The following LRRC4C variants were observed in gnomAD, a reference collection of about 807,000 sequenced individuals.
LRRC4C encodes leucine rich repeat containing 4C, also known as leucine-rich repeat-containing protein 4C.
A neutral mutation model predicts 33.6 loss-of-function variants in LRRC4C; 5 were observed. The observed-to-expected ratio is 0.15, with a 90% CI of 0.08 to 0.31. The LOEUF is 0.31. Among genes scored for constraint, LRRC4C ranks in the 10% least tolerant of loss-of-function variants. LRRC4C has a pLI of 1.00. For missense variants in LRRC4C, 560 were observed against 796.7 expected, an observed-to-expected ratio of 0.70 and a Z score of 3.58; for synonymous variants, 329 against 302.0, an observed-to-expected ratio of 1.09 and a Z score of -0.93.
At chr11:40,740,391 A>G (rs1269621370) in intron 2 of LRRC4C, among the ~76,000 whole-genome samples, 1 of 151,826 alleles carries the variant, frequency 6.6e-6, no homozygotes. Context: ...TAGAGTTTTA[A>G]CCTTCACTGT....
At chr11:40,159,735 G>T (rs1859002929) in intron 5 of LRRC4C, among the ~76,000 whole-genome samples, 1 of 151,992 alleles carries the variant, frequency 6.6e-6, no homozygotes, top group Admixed American at 6.6e-5. Flanking sequence ...TCCCTAAAAA[G>T]TCCTCCTACT....
chr11:40,520,008 A>AGCTGTGAAGGACAG (rs1241714731), intron 3 of LRRC4C, among the ~76,000 whole-genome samples: 1 of 152,196 alleles, frequency 6.6e-6, no homozygotes, highest in East Asian at 1.9e-4. Flanking sequence ...CTGGCTTCAA[A>AGCTGTGAAGGACAG]GCTGTGAAGG....
At chr11:40,380,065 T>C (rs1468800720) in intron 3 of LRRC4C, among the ~76,000 whole-genome samples, 1 of 152,196 alleles carries the variant, frequency 6.6e-6, no homozygotes, top group Admixed American at 6.5e-5. Context: ...TGTGAGAGCA[T>C]GTATATTTCA....
At chr11:40,485,815 C>T (rs1046557941) in intron 3 of LRRC4C, among the ~76,000 whole-genome samples, 8 of 151,972 alleles carry the variant, frequency 5.3e-5, no homozygotes, top group African/African-American at 1.7e-4. Flanking sequence ...GAATACTGTA[C>T]AGCCATAAAA....
At chr11:40,264,814 C>T (rs535628844) in intron 4 of LRRC4C, among the ~76,000 whole-genome samples, 1 of 152,188 alleles carries the variant, frequency 6.6e-6, no homozygotes, top group Non-Finnish European at 1.5e-5. Context: ...TTCTTCCAGA[C>T]ATCCAGATGC....
chr11:40,161,131 G>T (rs1006228253), intron 5 of LRRC4C, among the ~76,000 whole-genome samples: 1 of 152,066 alleles, frequency 6.6e-6, no homozygotes, highest in Non-Finnish European at 1.5e-5. Flanking sequence ...TTTAGTAGGA[G>T]AAAAAAATGA....
intron 1 of LRRC4C, among the ~76,000 whole-genome samples, chr11:41,170,526 T>C (rs1287393834): frequency 6.6e-6 from 1 of 152,170 alleles, no homozygotes; most frequent in Non-Finnish European, 1.5e-5. Context: ...ATTTAATAAA[T>C]GGTGTTGAGA....
chr11:41,073,814 T>C (rs748029940), intron 1 of LRRC4C, among the ~76,000 whole-genome samples: 19 of 152,186 alleles, frequency 1.2e-4, no homozygotes, highest in Non-Finnish European at 2.6e-4. Flanking sequence ...TCATCTCTTT[T>C]CCCCTTGTTT....
At chr11:40,423,986 T>C (rs1950622296) in intron 3 of LRRC4C, among the ~76,000 whole-genome samples, 1 of 152,184 alleles carries the variant, frequency 6.6e-6, no homozygotes, top group Non-Finnish European at 1.5e-5. Flanking sequence ...AAAACTCATG[T>C]ATATGTATAT....
intron 1 of LRRC4C, among the ~76,000 whole-genome samples, chr11:41,361,582 C>T (rs1261464139): frequency 6.6e-6 from 1 of 152,058 alleles, no homozygotes; most frequent in Non-Finnish European, 1.5e-5. Flanking sequence ...CTACAATGAT[C>T]CAATTTATAT....
chr11:40,182,202 C>T (rs1407838672), intron 5 of LRRC4C, among the ~76,000 whole-genome samples: 3 of 152,042 alleles, frequency 2.0e-5, no homozygotes, highest in Admixed American at 2.0e-4. Flanking sequence ...ACATTACATG[C>T]CCAGTCTTAT....
At chr11:40,998,020 A>G (rs1297040913) in intron 1 of LRRC4C, among the ~76,000 whole-genome samples, 1 of 152,088 alleles carries the variant, frequency 6.6e-6, no homozygotes, top group Non-Finnish European at 1.5e-5. Flanking sequence ...GTAGCTGGGC[A>G]TATAGAATGT....
intron 1 of LRRC4C, among the ~76,000 whole-genome samples, chr11:41,218,602 G>T (rs949491810): frequency 5.9e-5 from 9 of 152,060 alleles, no homozygotes; most frequent in African/African-American, 2.2e-4. Flanking sequence ...TTTTGTAGAT[G>T]TCTACTTTAT....
intron 2 of LRRC4C, among the ~76,000 whole-genome samples, chr11:40,704,403 T>C (rs1270242044): frequency 2.0e-5 from 3 of 152,146 alleles, no homozygotes; most frequent in Admixed American, 2.0e-4. Context: ...TTCCTCCAGC[T>C]CACAACCTTT....
At chr11:40,589,573 C>G (rs1414201036) in intron 3 of LRRC4C, among the ~76,000 whole-genome samples, 14 of 151,130 alleles carry the variant, frequency 9.3e-5, no homozygotes, top group East Asian at 5.9e-4. Flanking sequence ...TTCCTAGTCT[C>G]GATGGTCTTT....
intron 1 of LRRC4C, among the ~76,000 whole-genome samples, chr11:41,307,375 C>T (rs1483577140): frequency 2.6e-5 from 4 of 152,104 alleles, no homozygotes; most frequent in African/African-American, 4.8e-5. Flanking sequence ...TCTTGTCTTC[C>T]ATAGTGGAAG....
At chr11:40,980,242 TA>T (rs1452918636) in intron 1 of LRRC4C, among the ~76,000 whole-genome samples, 6 of 152,212 alleles carry the variant, frequency 3.9e-5, no homozygotes, top group African/African-American at 1.4e-4. Context: ...AGGGGACTTT[TA>T]ATGGAACCAC....
intron 1 of LRRC4C, among the ~76,000 whole-genome samples, chr11:41,247,231 C>T (rs757216352): frequency 2.8e-4 from 43 of 152,346 alleles, no homozygotes; most frequent in Non-Finnish European, 5.3e-4. Context: ...GGACTAGAAA[C>T]CCCTCTGTTG....
intron 1 of LRRC4C, among the ~76,000 whole-genome samples, chr11:41,359,311 T>C (rs967070064): frequency 2.0e-5 from 3 of 152,128 alleles, no homozygotes; most frequent in African/African-American, 7.2e-5. Context: ...AAATGTACAA[T>C]AGCAAGAGTG....
Sources: allele counts gnomAD v4.1 joint callset (sites outside exome capture counted in the v4.1 genomes callset), GRCh38; gene constraint gnomAD v4.1.1; transcripts MANE v1.5; gene names NCBI Gene and HGNC (gene_info 2026-07-23, HGNC 2026-07-21).